Variants in SDK1 observed in about 807,000 individuals in gnomAD.
SDK1 encodes sidekick cell adhesion molecule 1, also known as protein sidekick-1.
In SDK1, 157 loss-of-function variants were observed where a neutral mutation model predicts 245.5. That is an observed-to-expected ratio of 0.64 (90% CI 0.56 to 0.73). The LOEUF (loss-of-function observed/expected upper bound fraction) is 0.73, where lower values mean the gene tolerates loss of function less well. Ranked by LOEUF, SDK1 falls within the 30% of genes least tolerant of loss-of-function variation. The probability of loss-of-function intolerance (pLI) is 0.00; values close to 1 mark genes in which losing one functional copy is unlikely to be tolerated. For missense variants in SDK1, 3,583 were observed against 3,002.3 expected (o/e 1.19, Z -4.52); for synonymous variants, 1,647 against 1,278.5 (o/e 1.29, Z -6.15).
intron 4 of SDK1, among the ~76,000 whole-genome samples, chr7:3,754,969 A>C (rs73672159): frequency 0.03 from 4,531 of 152,216 alleles, 213 homozygotes; most frequent in African/African-American, 0.11. Flanking sequence ...GCGATGTTTT[A>C]TCTAATTTCT....
chr7:4,193,733 C>G (rs528722631), intron 35 of SDK1, among the ~76,000 whole-genome samples: 1 of 152,116 alleles, frequency 6.6e-6, no homozygotes, highest in Admixed American at 6.6e-5. Flanking sequence ...AGTGAAGACT[C>G]TCACTCAAGG....
intron 1 of SDK1, among the ~76,000 whole-genome samples, chr7:3,363,096 GATCTCTC>G (rs1373353188): frequency 6.6e-6 from 1 of 152,108 alleles, no homozygotes; most frequent in Non-Finnish European, 1.5e-5. Flanking sequence ...TCACCACAAG[GATCTCTC>G]ATGTTGCCCT....
intron 4 of SDK1, among the ~76,000 whole-genome samples, chr7:3,695,651 C>A (rs1455078576): frequency 6.6e-6 from 1 of 152,276 alleles, no homozygotes; most frequent in African/African-American, 2.4e-5. Flanking sequence ...TGGAGAATTA[C>A]ATTGTTAGTG....
rs80102844 is a variant in SDK1, at chr7:3,782,146, G to A, written c.714-39304G>A. Among the ~76,000 whole-genome samples, 187 of 152,342 alleles carry A rather than the reference G, an allele frequency of 1.2e-3. 8 individuals are homozygous for A. In the East Asian group the frequency reaches 0.033, roughly 27 times the overall value. Reference sequence around the variant, plus strand: ...TCATGGGCTCATGGTTCTGCAGACAGTACAGGAAGCATGGTGCCAGCATGT... The same window carrying A: ...TCATGGGCTCATGGTTCTGCAGACAATACAGGAAGCATGGTGCCAGCATGT... On this transcript the variant is annotated intron_variant, in intron 4 of 44. Transcript: ENST00000404826.
At chr7:3,396,622 A>G (rs1330284047) in intron 1 of SDK1, among the ~76,000 whole-genome samples, 1 of 151,590 alleles carries the variant, frequency 6.6e-6, no homozygotes, top group Non-Finnish European at 1.5e-5. Flanking sequence ...TTTTCTTTCT[A>G]GTAACAATTT....
At chr7:3,851,594 G>A (rs12532903) in intron 5 of SDK1, among the ~76,000 whole-genome samples, 33,565 of 151,456 alleles carry the variant, frequency 0.22, 4,129 homozygotes, top group Middle Eastern at 0.35. Flanking sequence ...CAATCATGCC[G>A]GTGTTATGAG....
At chr7:3,705,476 ATTTTATTTTATTTTATT>A (rs1243540029) in intron 4 of SDK1, among the ~76,000 whole-genome samples, 45 of 126,680 alleles carry the variant, frequency 3.6e-4, no homozygotes, top group African/African-American at 1.6e-3. Flanking sequence ...ATTTTATTTT[ATTTTATTTTATTTTATT>A]TTTTATTTTA....
intron 1 of SDK1, among the ~76,000 whole-genome samples, chr7:3,597,540 A>T (rs1781106697): frequency 6.6e-6 from 1 of 152,178 alleles, no homozygotes; most frequent in African/African-American, 2.4e-5. Flanking sequence ...AGTGTTAGAG[A>T]GAACTTCCTT....
chr7:3,744,550 G>A (rs941146879), intron 4 of SDK1, among the ~76,000 whole-genome samples: 1 of 152,078 alleles, frequency 6.6e-6, no homozygotes, highest in African/African-American at 2.4e-5. Context: ...GGTGGCTCAC[G>A]CCTGTAATCC....
At chr7:3,880,780 C>T (rs1175596198) in intron 5 of SDK1, among the ~76,000 whole-genome samples, 2 of 152,116 alleles carry the variant, frequency 1.3e-5, no homozygotes, top group Non-Finnish European at 2.9e-5. Context: ...CCCGGGCCTC[C>T]AGAGGCTGCG....
intron 22 of SDK1, among the ~76,000 whole-genome samples, chr7:4,091,915 G>A (rs781068425): frequency 6.6e-5 from 10 of 152,056 alleles, no homozygotes; most frequent in Admixed American, 2.0e-4. Flanking sequence ...TTCTCTCCAC[G>A]TGCCACCTTC....
intron 22 of SDK1, among the ~76,000 whole-genome samples, chr7:4,103,024 A>G (rs537469928): frequency 7.6e-6 from 1 of 132,230 alleles, no homozygotes; most frequent in East Asian, 2.4e-4. Flanking sequence ...TTTTGGAGAC[A>G]GAGTCTCACT....
intron 5 of SDK1, among the ~76,000 whole-genome samples, chr7:3,880,543 CTTTT>C (rs5882008): frequency 0.019 from 1,721 of 92,038 alleles, 52 homozygotes; most frequent in African/African-American, 0.066. Context: ...ATGCCCTGGT[CTTTT>C]TTTTTTTTTT....
chr7:4,156,779 T>C (rs1011141861), intron 30 of SDK1, among the ~76,000 whole-genome samples: 5 of 152,236 alleles, frequency 3.3e-5, no homozygotes, highest in African/African-American at 9.6e-5. Context: ...TGTGGGCCTC[T>C]GGACTTCAGA....
intron 1 of SDK1, among the ~76,000 whole-genome samples, chr7:3,442,480 C>T (rs1780223066): frequency 6.6e-6 from 1 of 152,206 alleles, no homozygotes; most frequent in Non-Finnish European, 1.5e-5. Flanking sequence ...TGAGCCTACA[C>T]TATCCTCCTA....
rs55690841 is a variant in SDK1, at chr7:3,748,306, C to G, written c.714-73144C>G. 1.4e-3 allele frequency among the ~76,000 whole-genome samples: 220 copies of G among 152,096 alleles called. 1 individual carries two copies. The highest frequency in any genetic ancestry group is 1.8e-3 in the Non-Finnish European group (125 of 67,966). On this transcript the variant is annotated intron_variant, in intron 4 of 44. Transcript: ENST00000404826. ...GCTTTTTTATAGTTCCTTTATTTCC[C>G]GGATTCTCTAAAAATGAATAGGTGT...
intron 5 of SDK1, among the ~76,000 whole-genome samples, chr7:3,949,878 C>A (rs10260999): frequency 0.38 from 58,161 of 151,952 alleles, 12,658 homozygotes; most frequent in African/African-American, 0.6. Flanking sequence ...AGAACTGAAC[C>A]CTTTGTTAAT....
At chr7:3,533,020 A>G (rs1371825410) in intron 1 of SDK1, among the ~76,000 whole-genome samples, 1 of 152,226 alleles carries the variant, frequency 6.6e-6, no homozygotes, top group Non-Finnish European at 1.5e-5. Flanking sequence ...ATAAGTACCA[A>G]TGAGTAGAAA....
intron 4 of SDK1, among the ~76,000 whole-genome samples, chr7:3,783,955 T>C (rs1780825411): frequency 6.6e-6 from 1 of 151,288 alleles, no homozygotes; most frequent in Admixed American, 6.6e-5. Context: ...CAAACTATAC[T>C]ACAGAGCTAT....
Sources: allele counts gnomAD v4.1 joint callset (sites outside exome capture counted in the v4.1 genomes callset), GRCh38; gene constraint gnomAD v4.1.1; transcripts MANE v1.5; gene names NCBI Gene and HGNC (gene_info 2026-07-23, HGNC 2026-07-21).